The following RAF1 variants were observed in gnomAD, a reference collection of about 807,000 sequenced individuals.
RAF1 encodes the protein RAF proto-oncogene serine/threonine-protein kinase.
Under a neutral mutation model 81.1 loss-of-function variants are expected in RAF1, and 27 were observed. The observed-to-expected ratio is 0.33, with a 90% CI of 0.25 to 0.46. The LOEUF (loss-of-function observed/expected upper bound fraction) is 0.46. Among genes scored for constraint, RAF1 ranks in the 20% least tolerant of loss-of-function variants. The pLI, the probability that RAF1 is intolerant of heterozygous loss-of-function variation, is 1.00. For missense variants in RAF1, 598 were observed against 826.0 expected, an observed-to-expected ratio of 0.72 and a Z score of 3.38; for synonymous variants, 298 against 294.0, an observed-to-expected ratio of 1.01 and a Z score of -0.14.
intron 3 of RAF1, among the ~76,000 whole-genome samples, chr3:12,610,770 A>C (rs2059185081): frequency 6.6e-6 from 1 of 152,232 alleles, no homozygotes; most frequent in Non-Finnish European, 1.5e-5. Flanking sequence ...GAAGAGGGTA[A>C]AAAAGAACCC....
intron 1 of RAF1, among the ~76,000 whole-genome samples, chr3:12,623,745 G>T (rs1023620019): frequency 7.0e-6 from 1 of 142,176 alleles, no homozygotes; most frequent in Non-Finnish European, 1.5e-5. Flanking sequence ...AGTGAGCCGA[G>T]ATCATGCCAC....
chr3:12,606,812 G>C (rs930148803), intron 5 of RAF1, among the ~76,000 whole-genome samples: 7 of 152,080 alleles, frequency 4.6e-5, no homozygotes, highest in African/African-American at 1.7e-4. Flanking sequence ...CCAGTAACTT[G>C]TCATTTAACA....
intron 1 of RAF1, among the ~76,000 whole-genome samples, chr3:12,634,451 C>T (rs2059959922): frequency 6.6e-6 from 1 of 151,912 alleles, no homozygotes; most frequent in African/African-American, 2.4e-5. Flanking sequence ...GCGCCTGGCC[C>T]GTAATTCCTT....
intron 1 of RAF1, among the ~76,000 whole-genome samples, chr3:12,628,763 GTGGC>G (rs2059784507): frequency 2.7e-5 from 3 of 111,932 alleles, no homozygotes; most frequent in African/African-American, 3.4e-5. Context: ...GGGGGGGGGG[GTGGC>G]GGGGCACATG....
intron 1 of RAF1, among the ~76,000 whole-genome samples, chr3:12,644,839 G>A (rs2060296364): frequency 6.6e-6 from 1 of 151,926 alleles, no homozygotes; most frequent in Non-Finnish European, 1.5e-5. Flanking sequence ...GTGGCTCATG[G>A]CTATAATCCC....
At chr3:12,637,772 G>C (rs570089290) in intron 1 of RAF1, among the ~76,000 whole-genome samples, 1 of 151,980 alleles carries the variant, frequency 6.6e-6, no homozygotes, top group Non-Finnish European at 1.5e-5. Context: ...AAAAGCGCTT[G>C]AACCCGAGAG....
chr3:12,590,702 C>A, intron 13 of RAF1, 96 bp downstream of exon 12: 2 of 1,346,654 alleles, frequency 1.5e-6, no homozygotes, highest in Non-Finnish European at 2.1e-6. Context: ...ATCACAGAAT[C>A]GCTTAATGGA....
At chr3:12,654,153 A>T (rs1306648022) in intron 1 of RAF1, among the ~76,000 whole-genome samples, 2 of 106,226 alleles carry the variant, frequency 1.9e-5, no homozygotes, top group African/African-American at 8.2e-5. Flanking sequence ...CACATGCCTG[A>T]CTAGTTTTTT....
intron 1 of RAF1, among the ~76,000 whole-genome samples, chr3:12,649,589 TCACA>T (rs3072126): frequency 0.48 from 72,385 of 150,312 alleles, 18,359 homozygotes; most frequent in East Asian, 0.84. Flanking sequence ...CCAGAGACTG[TCACA>T]CACACACACA....
At chr3:12,585,562 A>G in intron 15 of RAF1, 119 bp downstream of exon 14, 1 of 1,337,380 alleles carries the variant, frequency 7.5e-7, no homozygotes, top group Non-Finnish European at 1.1e-6. Flanking sequence ...GCTGGCTGTC[A>G]CTAGGGGTCA....
chr3:12,659,085 G>C (rs529705057), intron 1 of RAF1, among the ~76,000 whole-genome samples: 1 of 151,932 alleles, frequency 6.6e-6, no homozygotes, highest in Non-Finnish European at 1.5e-5. Flanking sequence ...GTGTAATTAA[G>C]GAATTTTTAC....
intron 1 of RAF1, among the ~76,000 whole-genome samples, chr3:12,663,126 T>C (rs2060932577): frequency 1.3e-5 from 2 of 152,146 alleles, no homozygotes; most frequent in East Asian, 1.9e-4. Flanking sequence ...CCCTCTCTCT[T>C]GGGCATCGAC....
At chr3:12,615,636 C>T (rs2059347673) in intron 2 of RAF1, among the ~76,000 whole-genome samples, 1 of 152,154 alleles carries the variant, frequency 6.6e-6, no homozygotes, top group South Asian at 2.1e-4. Context: ...AAGAAACAGG[C>T]AAAACTAACC....
intron 2 of RAF1, 44 bp downstream of exon 2, chr3:12,618,471 A>G: frequency 6.3e-7 from 1 of 1,591,106 alleles, no homozygotes; most frequent in Non-Finnish European, 8.6e-7. Flanking sequence ...TGTGCTCCAC[A>G]GGCAGATAAA....
At chr3:12,622,432 C>T (rs181997073) in intron 1 of RAF1, among the ~76,000 whole-genome samples, 1 of 152,324 alleles carries the variant, frequency 6.6e-6, no homozygotes. Flanking sequence ...TCGTAACATG[C>T]CAGACTTTGT....
Position 12,591,690 on chromosome 3 carries a change from C to T in RAF1, c.1253+18G>A, listed in dbSNP as rs201845942. On this transcript the variant is annotated intron_variant, in intron 12 of 17. Transcript: ENST00000442415. ...CTCCAGCACTCCAGAGGGACTGGAC[C>T]GCCAGCTTTCTACTCACCGCAGAAC... The T allele has an allele frequency of 5.0e-6, 8 of 1,609,208 alleles. No homozygotes were observed. Among genetic ancestry groups the T allele is most frequent in the Non-Finnish European group, 6.0e-6 (7 of 1,175,518 alleles).
chr3:12,598,560 T>C (rs1448897566), intron 11 of RAF1, among the ~76,000 whole-genome samples: 2 of 151,664 alleles, frequency 1.3e-5, no homozygotes, highest in East Asian at 1.9e-4. Context: ...TAGTGAGACC[T>C]TGTCTCTACA....
intron 11 of RAF1, among the ~76,000 whole-genome samples, chr3:12,596,711 T>C (rs927445002): frequency 2.6e-5 from 4 of 152,168 alleles, no homozygotes; most frequent in Admixed American, 2.0e-4. Context: ...TGAACAGATA[T>C]ACTGTATACA....
chr3:12,616,963 G>A (rs2059386707), intron 2 of RAF1, among the ~76,000 whole-genome samples: 1 of 152,048 alleles, frequency 6.6e-6, no homozygotes, highest in African/African-American at 2.4e-5. Context: ...GAAGGGGTCT[G>A]GCTCTCTGTC....
Sources: gnomAD v4.1 joint callset for allele counts (sites outside exome capture counted in the v4.1 genomes callset) on GRCh38, gnomAD v4.1.1 for gene constraint, MANE v1.5 for transcripts, NCBI Gene and HGNC (gene_info 2026-07-23, HGNC 2026-07-21) for gene names.